HECW2: variants seen among roughly 807,000 people sequenced by gnomAD.
HECW2 encodes the protein HECT, C2 and WW domain containing E3 ubiquitin protein ligase 2.
HECW2 carries 61 observed loss-of-function variants against 175.2 expected under a neutral mutation model. The ratio of observed to expected loss-of-function variants is 0.35; its 90% CI spans 0.28 to 0.43. The LOEUF (loss-of-function observed/expected upper bound fraction) is 0.43, where lower values mean the gene tolerates loss of function less well. Ranked by LOEUF, HECW2 falls within the 20% of genes least tolerant of loss-of-function variation. The pLI is 1.00. For missense variants in HECW2, 1,524 were observed against 2,000.5 expected, an observed-to-expected ratio of 0.76 and a Z score of 4.54; for synonymous variants, 671 against 731.0, an observed-to-expected ratio of 0.92 and a Z score of 1.32.
intron 15 of HECW2, among the ~76,000 whole-genome samples, chr2:196,276,599 C>T (rs1356891894): frequency 2.0e-5 from 3 of 152,162 alleles, no homozygotes; most frequent in South Asian, 2.1e-4. Context: ...ACACATCGCA[C>T]ACAAGGTCCA....
At chr2:196,474,948 C>T (rs1007621008) in intron 1 of HECW2, among the ~76,000 whole-genome samples, 2 of 152,200 alleles carry the variant, frequency 1.3e-5, no homozygotes, top group African/African-American at 2.4e-5. Flanking sequence ...CACGCCCGCA[C>T]CTGATCCTCA....
intron 15 of HECW2, among the ~76,000 whole-genome samples, chr2:196,278,133 A>ATATATATATATATATATATATATATATAT (rs1553489735): frequency 0.034 from 2,234 of 65,908 alleles, 616 homozygotes; most frequent in Non-Finnish European, 0.052. Context: ...ATAATTAAAA[A>ATATATATATATATATATATATATATATAT]ATATATATAT....
At chr2:196,488,872 C>G (rs971208918) in intron 1 of HECW2, among the ~76,000 whole-genome samples, 1 of 151,986 alleles carries the variant, frequency 6.6e-6, no homozygotes, top group Non-Finnish European at 1.5e-5. Flanking sequence ...GAGAAGAGCA[C>G]AAAACTCAGT....
At chr2:196,529,868 C>G (rs1277891304) in intron 1 of HECW2, among the ~76,000 whole-genome samples, 1 of 152,196 alleles carries the variant, frequency 6.6e-6, no homozygotes, top group Non-Finnish European at 1.5e-5. Flanking sequence ...TCATATCAGC[C>G]TGCCCTAACT....
intron 17 of HECW2, among the ~76,000 whole-genome samples, chr2:196,270,600 C>G (rs1395406246): frequency 6.6e-6 from 1 of 152,186 alleles, no homozygotes; most frequent in Non-Finnish European, 1.5e-5. Context: ...TCATTAATTT[C>G]ATTATAATCT....
chr2:196,206,139 G>A (rs1382957571), intron 28 of HECW2, among the ~76,000 whole-genome samples: 1 of 152,136 alleles, frequency 6.6e-6, no homozygotes, highest in Non-Finnish European at 1.5e-5. Flanking sequence ...CAGCAAAAGT[G>A]CATCCAGCTA....
chr2:196,281,671 C>T (rs1217982134), intron 14 of HECW2, among the ~76,000 whole-genome samples: 2 of 89,338 alleles, frequency 2.2e-5, no homozygotes, highest in African/African-American at 5.5e-5. Flanking sequence ...AAAAAAAAAG[C>T]GTGTTCTTTT....
chr2:196,247,459 A>G (rs1024379012), intron 19 of HECW2, among the ~76,000 whole-genome samples: 3 of 152,180 alleles, frequency 2.0e-5, no homozygotes, highest in African/African-American at 7.2e-5. Context: ...TACTTTGTAG[A>G]CAGAGGAATT....
intron 2 of HECW2, among the ~76,000 whole-genome samples, chr2:196,359,559 G>A (rs7573140): frequency 0.014 from 2,147 of 152,268 alleles, 56 homozygotes; most frequent in African/African-American, 0.049. Context: ...GAACCTGTAG[G>A]ATGTTACTTT....
chr2:196,433,211 C>G lies in HECW2; in HGVS notation c.213G>C (p.Gly71=), dbSNP rs758455226. The G allele has an allele frequency of 6.2e-7, 1 of 1,614,130 alleles. No individual in the cohort carries two copies. Among genetic ancestry groups the G allele is most frequent in the East Asian group, 2.2e-5 (1 of 44,878 alleles). ...LTASMYEYTL[G]QAQNLIIFWD... ...AGAAGATAATGAGGTTCTGGGCTTGCCCCAGCGTGTACTCGTACATGCTGG... is the reference window on the plus strand; with the variant it reads ...AGAAGATAATGAGGTTCTGGGCTTGGCCCAGCGTGTACTCGTACATGCTGG... The change falls in exon 2 of 29, where the codon GGG becomes GGC. Residue 71 remains glycine, a synonymous_variant. Transcript: ENST00000644978.
chr2:196,578,877 A>G (rs2141238), intron 1 of HECW2, among the ~76,000 whole-genome samples: 28,759 of 152,096 alleles, frequency 0.19, 3,105 homozygotes, highest in African/African-American at 0.3. Flanking sequence ...AAATAAAAAC[A>G]ACACCAAACA....
intron 1 of HECW2, among the ~76,000 whole-genome samples, chr2:196,532,483 TG>T (rs1688875413): frequency 6.6e-6 from 1 of 150,978 alleles, no homozygotes; most frequent in Non-Finnish European, 1.5e-5. Flanking sequence ...TGTCAGGGGG[TG>T]GGTGTCTAGG....
Position 196,198,002 on chromosome 2 carries a change from G to C in HECW2, c.*3275C>G, listed in dbSNP as rs1340460185. 1 of 152,170 alleles carries C rather than the reference G, an allele frequency of 6.6e-6. No homozygotes were observed. Among genetic ancestry groups the C allele is most frequent in the Non-Finnish European group, 1.5e-5 (1 of 68,036 alleles). The allele number at this position is 152,170 out of a possible 1,614,324, so 9.4% of individuals were successfully genotyped here. On this transcript the variant is annotated 3_prime_UTR_variant, in exon 29 of 29. Coordinates refer to ENST00000644978, the MANE Select transcript of HECW2 (RefSeq NM_001348768.2). ...TAAATTATAAACGCAATATATGCTA[G>C]AAAATTGTGACCATACTTCTTTGAC...
chr2:196,405,994 G>A (rs1390901897), intron 2 of HECW2, among the ~76,000 whole-genome samples: 4 of 152,042 alleles, frequency 2.6e-5, no homozygotes, highest in Non-Finnish European at 4.4e-5. Flanking sequence ...TAGCTTCCAG[G>A]ACACCTCATT....
intron 3 of HECW2, among the ~76,000 whole-genome samples, chr2:196,339,111 G>T (rs1377298978): frequency 6.6e-6 from 1 of 152,228 alleles, no homozygotes; most frequent in Admixed American, 6.5e-5. Context: ...AAAGTGTGAA[G>T]ATGGGGGATG....
intron 1 of HECW2, among the ~76,000 whole-genome samples, chr2:196,590,009 T>C (rs1192713582): frequency 6.6e-6 from 1 of 152,224 alleles, no homozygotes; most frequent in African/African-American, 2.4e-5. Flanking sequence ...TTTTCTTATA[T>C]ATTTTTCAGG....
intron 1 of HECW2, among the ~76,000 whole-genome samples, chr2:196,550,099 G>A (rs924747679): frequency 6.6e-6 from 1 of 152,184 alleles, no homozygotes; most frequent in African/African-American, 2.4e-5. Context: ...CTTCTTGATC[G>A]ATTCAACTTG....
At chr2:196,580,297 CA>C (rs1345086819) in intron 1 of HECW2, among the ~76,000 whole-genome samples, 1 of 151,970 alleles carries the variant, frequency 6.6e-6, no homozygotes, top group Non-Finnish European at 1.5e-5. Context: ...GTTATAACAC[CA>C]AAAGCACAAG....
At chr2:196,459,446 A>C (rs1350786360) in intron 1 of HECW2, among the ~76,000 whole-genome samples, 1 of 152,188 alleles carries the variant, frequency 6.6e-6, no homozygotes, top group African/African-American at 2.4e-5. Context: ...TAAAAAATAA[A>C]GATGAAATCC....
Sources: gnomAD v4.1 joint callset for allele counts (sites outside exome capture counted in the v4.1 genomes callset) on GRCh38, gnomAD v4.1.1 for gene constraint, MANE v1.5 for transcripts, NCBI Gene and HGNC (gene_info 2026-07-23, HGNC 2026-07-21) for gene names.